The following UBAP1 variants were observed in gnomAD, a reference collection of about 807,000 sequenced individuals.
The protein encoded by UBAP1 is ubiquitin associated protein 1.
A neutral mutation model predicts 39.0 loss-of-function variants in UBAP1; 5 were observed. That is an observed-to-expected ratio of 0.13 (90% CI 0.07 to 0.27). The LOEUF (loss-of-function observed/expected upper bound fraction) is 0.27. UBAP1 is among the 10% of genes least tolerant of loss of function. UBAP1 has a pLI of 1.00. For synonymous variants in UBAP1, 211 were observed against 225.1 expected, an observed-to-expected ratio of 0.94 and a Z score of 0.56; for missense variants, 490 against 608.1, an observed-to-expected ratio of 0.81 and a Z score of 2.04.
At chr9:34,223,713 C>T (rs1423338504) in intron 2 of UBAP1, among the ~76,000 whole-genome samples, 1 of 152,158 alleles carries the variant, frequency 6.6e-6, no homozygotes, top group Non-Finnish European at 1.5e-5. Flanking sequence ...CCTTGGCCTC[C>T]CAAAGTGTTG....
chr9:34,189,542 T>C (rs1210785108), intron 1 of UBAP1, among the ~76,000 whole-genome samples: 1 of 151,958 alleles, frequency 6.6e-6, no homozygotes, highest in East Asian at 1.9e-4. Flanking sequence ...GCTGCATGGG[T>C]GGAATTCAAG....
chr9:34,207,661 C>CTT (rs535440867), intron 1 of UBAP1, among the ~76,000 whole-genome samples: 28 of 142,884 alleles, frequency 2.0e-4, no homozygotes, highest in Non-Finnish European at 2.4e-4. Flanking sequence ...TTATTTATTT[C>CTT]TTTTTTTTTT....
At chr9:34,182,664 TTTC>T (rs1554645017) in intron 1 of UBAP1, among the ~76,000 whole-genome samples, 1 of 62,428 alleles carries the variant, frequency 1.6e-5, no homozygotes, top group Non-Finnish European at 4.2e-5. Context: ...TCTTTCTTTC[TTTC>T]TTTCTTTCTT....
rs1208976403 is a variant in UBAP1, at chr9:34,202,676, TGTCCCC to T, written c.-7-18223_-7-18218del. On this transcript the variant is annotated intron_variant, in intron 1 of 6. Transcript: ENST00000297661. The stretch of plus-strand genomic sequence containing the variant: ...GTGTGTGTGTGTGTGTGTGTGTGTG[TGTCCCC>T]GTCCCCGTATATGTATGTATCATAA... Among the ~76,000 whole-genome samples the T allele has an allele frequency of 1.3e-3, 182 of 143,170 alleles. 2 individuals are homozygous for T. The highest frequency in any genetic ancestry group is 1.8e-3 in the South Asian group (8 of 4,490). The allele number at this position is 143,170 out of a possible 152,430, so 93.9% of individuals were successfully genotyped here.
rs1834597290 is a variant in UBAP1 at position 34,252,268 on chromosome 9, C to T, written c.*736C>T. On this transcript the variant is annotated 3_prime_UTR_variant, in exon 7 of 7. Coordinates refer to ENST00000297661, the MANE Select transcript of UBAP1 (RefSeq NM_016525.5). ...CCAGCACATTGAATGGGTAAGCAGA[C>T]AGGCCATGATTTAGTTGGCCAGCAC... 5.2e-5 allele frequency: 8 copies of T among 152,608 alleles called. No individual in the cohort carries two copies. Among genetic ancestry groups the T allele is most frequent in the Admixed American group, 5.2e-4 (8 of 15,272 alleles). The allele number at this position is 152,608 out of a possible 1,614,324, so 9.5% of individuals were successfully genotyped here. A position where few individuals can be genotyped will look rare whatever the true frequency, so the allele number is the denominator to read the frequency against.
chr9:34,236,718 CT>C (rs1833718718), intron 3 of UBAP1, among the ~76,000 whole-genome samples: 1 of 151,902 alleles, frequency 6.6e-6, no homozygotes, highest in African/African-American at 2.4e-5. Context: ...TTGCAGTAGC[CT>C]CTTTAATTGG....
intron 2 of UBAP1, chr9:34,224,206 C>A (rs1832919905): frequency 1.9e-6 from 1 of 520,354 alleles, no homozygotes; most frequent in Non-Finnish European, 3.5e-6. Flanking sequence ...TGTTTAAAAT[C>A]TCTTCTTCCT....
At chr9:34,238,574 T>C (rs1587874819) in intron 3 of UBAP1, among the ~76,000 whole-genome samples, 1 of 152,230 alleles carries the variant, frequency 6.6e-6, no homozygotes, top group Admixed American at 6.5e-5. Context: ...TTGTCTCTCA[T>C]TGTGGTTTTT....
At chr9:34,182,681 T>TTCTCTTTCTCTTTTCTTTCTC (rs1830149798) in intron 1 of UBAP1, among the ~76,000 whole-genome samples, 1 of 115,496 alleles carries the variant, frequency 8.7e-6, no homozygotes, top group Non-Finnish European at 1.8e-5. Flanking sequence ...CTTTCTTTCT[T>TTCTCTTTCTCTTTTCTTTCTC]TCTCTCTCTC....
chr9:34,218,814 T>C (rs971864101), intron 1 of UBAP1, among the ~76,000 whole-genome samples: 1 of 152,242 alleles, frequency 6.6e-6, no homozygotes, highest in Admixed American at 6.5e-5. Context: ...CACACTCCTG[T>C]AATCCCAGCT....
intron 1 of UBAP1, among the ~76,000 whole-genome samples, chr9:34,189,211 CAG>C (rs1042433618): frequency 6.8e-6 from 1 of 146,380 alleles, no homozygotes; most frequent in African/African-American, 2.5e-5. Context: ...TTTTTAAAGA[CAG>C]AGTCTTGCTG....
At chr9:34,188,102 T>G (rs1281519095) in intron 1 of UBAP1, among the ~76,000 whole-genome samples, 1 of 124,752 alleles carries the variant, frequency 8.0e-6, no homozygotes, top group Non-Finnish European at 1.8e-5. Flanking sequence ...TCTGAGTAAT[T>G]TGGGTTCACT....
At chr9:34,235,619 G>A (rs1013366529) in intron 3 of UBAP1, among the ~76,000 whole-genome samples, 10 of 152,098 alleles carry the variant, frequency 6.6e-5, no homozygotes, top group Admixed American at 4.6e-4. Flanking sequence ...AATTACAGGC[G>A]TGAGCCACTG....
chr9:34,250,948 A>G (rs1834473569), intron 6 of UBAP1, 189 bp downstream of exon 6: 1 of 606,586 alleles, frequency 1.6e-6, no homozygotes, highest in Non-Finnish European at 3.0e-6. Flanking sequence ...TGGTTGAAGC[A>G]TTGGGTTGAA....
intron 1 of UBAP1, among the ~76,000 whole-genome samples, chr9:34,202,645 G>C (rs1479315113): frequency 4.2e-5 from 6 of 144,476 alleles, no homozygotes; most frequent in South Asian, 2.2e-4. Context: ...GTGTGTGTGT[G>C]TGTGTGTGTG....
At chr9:34,222,286 A>C (rs1832801883) in intron 2 of UBAP1, among the ~76,000 whole-genome samples, 1 of 152,088 alleles carries the variant, frequency 6.6e-6, no homozygotes, top group Non-Finnish European at 1.5e-5. Flanking sequence ...TTGCTTATAT[A>C]TTTTACACAA....
At chr9:34,180,439 C>A (rs112651643) in intron 1 of UBAP1, among the ~76,000 whole-genome samples, 18,741 of 150,530 alleles carry the variant, frequency 0.12, 1,522 homozygotes, top group Non-Finnish European at 0.18. Context: ...ACCTGGGAGG[C>A]GGAGGTAGCA....
At chr9:34,225,115 G>T (rs778830740) in intron 2 of UBAP1, among the ~76,000 whole-genome samples, 1 of 152,212 alleles carries the variant, frequency 6.6e-6, no homozygotes, top group Non-Finnish European at 1.5e-5. Context: ...TTAGATATCT[G>T]ACTGATCCAT....
At chr9:34,206,181 C>T (rs1283202867) in intron 1 of UBAP1, 3 of 152,176 alleles carry the variant, frequency 2.0e-5, no homozygotes, top group African/African-American at 4.8e-5. Flanking sequence ...ACTAACCAGG[C>T]TCAACCCTGC....
Sources: allele counts gnomAD v4.1 joint callset (sites outside exome capture counted in the v4.1 genomes callset), GRCh38; gene constraint gnomAD v4.1.1; transcripts MANE v1.5; gene names NCBI Gene and HGNC (gene_info 2026-07-23, HGNC 2026-07-21).